NAALADL2: variants seen among roughly 807,000 people sequenced by gnomAD.
NAALADL2 encodes the protein N-acetylated alpha-linked acidic dipeptidase like 2, also known as inactive N-acetylated-alpha-linked acidic dipeptidase-like protein 2.
In NAALADL2, 76 loss-of-function variants were observed where a neutral mutation model predicts 87.2. The ratio of observed to expected loss-of-function variants is 0.87; its 90% CI spans 0.72 to 1.05. NAALADL2 has a LOEUF of 1.05. NAALADL2 is among the 50% of genes least tolerant of loss of function. NAALADL2 has a pLI of 0.00. For missense variants in NAALADL2, 1,089 were observed against 945.8 expected (o/e 1.15, Z -1.99); for synonymous variants, 354 against 331.0 (o/e 1.07, Z -0.75).
chr3:174,518,179 C>A (rs559072201), intron 1 of NAALADL2, among the ~76,000 whole-genome samples: 2 of 152,226 alleles, frequency 1.3e-5, no homozygotes, highest in African/African-American at 2.4e-5. Context: ...GGCTACAAAT[C>A]TGGATGTATG....
chr3:175,359,552 T>A (rs1041074891), intron 5 of NAALADL2, among the ~76,000 whole-genome samples: 2 of 152,092 alleles, frequency 1.3e-5, no homozygotes, highest in Non-Finnish European at 2.9e-5. Context: ...TTTAATTCAA[T>A]TTTATCAAGT....
At chr3:175,110,990 A>G (rs1388199956) in intron 2 of NAALADL2, among the ~76,000 whole-genome samples, 1 of 151,720 alleles carries the variant, frequency 6.6e-6, no homozygotes, top group Non-Finnish European at 1.5e-5. Context: ...TAGGATCACA[A>G]CATTACTCTA....
chr3:174,930,614 CTTTTTTTTTT>C (rs760690405), intron 1 of NAALADL2, among the ~76,000 whole-genome samples: 4 of 66,818 alleles, frequency 6.0e-5, no homozygotes, highest in African/African-American at 2.5e-4. Context: ...ATAAGATGAA[CTTTTTTTTTT>C]TTTTTTTTTT....
At chr3:175,015,826 AAAT>A (rs1218470130) in intron 1 of NAALADL2, among the ~76,000 whole-genome samples, 2 of 152,092 alleles carry the variant, frequency 1.3e-5, no homozygotes, top group Non-Finnish European at 2.9e-5. Context: ...AAATTTATAA[AAAT>A]AAGTAATTTA....
At chr3:175,619,558 C>T (rs750340491) in intron 10 of NAALADL2, among the ~76,000 whole-genome samples, 5 of 150,960 alleles carry the variant, frequency 3.3e-5, no homozygotes, top group Non-Finnish European at 5.9e-5. Context: ...ATTTTTTCAA[C>T]AAGGGAAAGA....
chr3:175,681,170 C>A (rs534680420), intron 11 of NAALADL2, among the ~76,000 whole-genome samples: 2 of 152,222 alleles, frequency 1.3e-5, no homozygotes, highest in Non-Finnish European at 2.9e-5. Context: ...ATTTATTTTT[C>A]ATTCTCTATT....
At chr3:175,604,562 C>A (rs1387934398) in intron 10 of NAALADL2, among the ~76,000 whole-genome samples, 3 of 152,202 alleles carry the variant, frequency 2.0e-5, no homozygotes, top group African/African-American at 7.2e-5. Flanking sequence ...CCTCAGCCTC[C>A]CACAGTGCTG....
chr3:175,570,361 C>T (rs1050086557), intron 9 of NAALADL2, among the ~76,000 whole-genome samples: 1 of 152,160 alleles, frequency 6.6e-6, no homozygotes, highest in African/African-American at 2.4e-5. Context: ...CATAGACATA[C>T]TCAGAATGAT....
At chr3:175,154,282 A>G (rs567533388) in intron 2 of NAALADL2, among the ~76,000 whole-genome samples, 7 of 152,308 alleles carry the variant, frequency 4.6e-5, no homozygotes, top group African/African-American at 1.4e-4. Context: ...CTACTGGACT[A>G]TGAAGATTGA....
chr3:175,171,233 A>G (rs1418916719), intron 2 of NAALADL2, among the ~76,000 whole-genome samples: 2 of 152,050 alleles, frequency 1.3e-5, no homozygotes, highest in Non-Finnish European at 2.9e-5. Context: ...CTTATATTAC[A>G]GAGAAGCAGT....
chr3:174,702,326 TTTTCTC>T (rs1192683863), intron 2 of NAALADL2, among the ~76,000 whole-genome samples: 2 of 152,164 alleles, frequency 1.3e-5, no homozygotes, highest in African/African-American at 4.8e-5. Context: ...TATTTTTACT[TTTTCTC>T]ATTCTCTCTT....
chr3:175,194,762 T>C lies in NAALADL2; in HGVS notation c.546-39169T>C, dbSNP rs73881443. 4.3e-3 allele frequency among the ~76,000 whole-genome samples: 656 copies of C among 151,838 alleles called. 2 individuals carry two copies. Among genetic ancestry groups the C allele is most frequent in the Middle Eastern group, 0.017 (5 of 294 alleles). ...TATTAATATATACATTTAAGAATCT[T>C]GTTTTGTTCAAGTTATTAAGATTTT... is the stretch of plus-strand genomic sequence containing the variant. On this transcript the variant is annotated intron_variant, in intron 2 of 13. Coordinates refer to ENST00000454872, the MANE Select transcript of NAALADL2 (RefSeq NM_207015.3).
At chr3:174,986,303 T>G (rs9845580) in intron 1 of NAALADL2, among the ~76,000 whole-genome samples, 14,079 of 147,880 alleles carry the variant, frequency 0.095, 1,565 homozygotes, top group African/African-American at 0.26. Context: ...ATATATAATA[T>G]ATATACACAA....
In NAALADL2 at chr3:174,837,045, A is replaced by G. The variant is rs189376449; in HGVS notation, c.-9+99299A>G. 3.6e-3 allele frequency among the ~76,000 whole-genome samples: 546 copies of G among 152,280 alleles called. 3 individuals carry two copies. Among genetic ancestry groups the G allele is most frequent in the Middle Eastern group, 0.02 (6 of 294 alleles). On this transcript the variant is annotated intron_variant, in intron 3 of 3. Transcript: ENST00000434257. Reference sequence around the variant, plus strand: ...ATAGCCCTAAATGCCTACATTAAAAAATCTGAAAGAACACAGACAATCTAA... The same window carrying G: ...ATAGCCCTAAATGCCTACATTAAAAGATCTGAAAGAACACAGACAATCTAA...
intron 1 of NAALADL2, among the ~76,000 whole-genome samples, chr3:174,463,552 T>C (rs1323287061): frequency 1.3e-5 from 2 of 152,106 alleles, no homozygotes; most frequent in Non-Finnish European, 2.9e-5. Context: ...CAAGTTCTTT[T>C]GTGAGAATCC....
At chr3:175,020,971 A>G (rs2108862270) in intron 1 of NAALADL2, among the ~76,000 whole-genome samples, 1 of 152,166 alleles carries the variant, frequency 6.6e-6, no homozygotes, top group Non-Finnish European at 1.5e-5. Context: ...TCTTCTGAGG[A>G]GGAGAGACTG....
intron 2 of NAALADL2, among the ~76,000 whole-genome samples, chr3:175,206,501 G>C (rs1229589331): frequency 6.6e-6 from 1 of 151,620 alleles, no homozygotes; most frequent in African/African-American, 2.4e-5. Flanking sequence ...CTGATATGTG[G>C]GAGCTAAGCC....
chr3:175,687,139 T>G (rs1736404105), intron 11 of NAALADL2, among the ~76,000 whole-genome samples: 1 of 152,170 alleles, frequency 6.6e-6, no homozygotes, highest in Admixed American at 6.5e-5. Context: ...GTGTCTTAAA[T>G]GGCAAATTTG....
At chr3:174,492,972 A>G (rs1437317750) in intron 1 of NAALADL2, among the ~76,000 whole-genome samples, 1 of 152,194 alleles carries the variant, frequency 6.6e-6, no homozygotes, top group African/African-American at 2.4e-5. Context: ...TAGTGCAAGG[A>G]TTGGGTTTCA....
Sources: allele counts gnomAD v4.1 joint callset (sites outside exome capture counted in the v4.1 genomes callset), GRCh38; gene constraint gnomAD v4.1.1; transcripts MANE v1.5; gene names NCBI Gene and HGNC (gene_info 2026-07-23, HGNC 2026-07-21).